CLEC4A: variants seen among roughly 807,000 people sequenced by gnomAD.
The protein encoded by CLEC4A is C-type (calcium dependent, carbohydrate-recognition domain) lectin, superfamily member 6.
A neutral mutation model predicts 32.7 loss-of-function variants in CLEC4A; 27 were observed. The ratio of observed to expected loss-of-function variants is 0.83; its 90% CI spans 0.61 to 1.14. CLEC4A has a LOEUF of 1.14. Ranked by LOEUF, CLEC4A falls within the 50% of genes most tolerant of loss-of-function variation. The pLI is 0.00. For missense variants in CLEC4A, 253 were observed against 274.6 expected (o/e 0.92, Z 0.55); for synonymous variants, 89 against 93.7 (o/e 0.95, Z 0.29).
the CLEC4A span, among the ~76,000 whole-genome samples, chr12:8,105,970 T>C: frequency 6.6e-6 from 1 of 152,210 alleles, no homozygotes; most frequent in Non-Finnish European, 1.5e-5. Flanking sequence ...CCCATTCCTA[T>C]GTCCAGAATG....
chr12:8,130,884 C>T (rs1396831755), intron 3 of CLEC4A, among the ~76,000 whole-genome samples: 2 of 151,994 alleles, frequency 1.3e-5, no homozygotes, highest in African/African-American at 4.8e-5. Flanking sequence ...CCTTAGTGTT[C>T]ACCTCATTTT....
intron 2 of CLEC4A, among the ~76,000 whole-genome samples, chr12:8,127,858 G>T (rs754023646): frequency 6.6e-6 from 1 of 152,190 alleles, no homozygotes; most frequent in African/African-American, 2.4e-5. Context: ...TTTCAAAGAG[G>T]TAGACAATAT....
Position 8,133,418 on chromosome 12 carries a change from T to C in CLEC4A, c.299-2167T>C, listed in dbSNP as rs376742426. 5.9e-5 allele frequency among the ~76,000 whole-genome samples: 9 copies of C among 152,324 alleles called. No individual in the cohort carries two copies. The East Asian group carries it at 1.5e-3, about 26-fold the overall frequency. On this transcript the variant is annotated intron_variant, in intron 3 of 5. Transcript: ENST00000229332. Reference sequence around the variant, plus strand: ...GTTGTTTTGTCTTCCAATTCACTAATCTCTCTATCCCCTTCATTCTGCTGA... The same window carrying C: ...GTTGTTTTGTCTTCCAATTCACTAACCTCTCTATCCCCTTCATTCTGCTGA...
At chr12:8,128,535 C>A (rs533507888) in intron 2 of CLEC4A, among the ~76,000 whole-genome samples, 1 of 152,032 alleles carries the variant, frequency 6.6e-6, no homozygotes, top group Admixed American at 6.6e-5. Context: ...CTCAGCTTCC[C>A]GAGTAGCTGG....
chr12:8,110,959 C>T, the CLEC4A span, among the ~76,000 whole-genome samples: 8 of 151,918 alleles, frequency 5.3e-5, no homozygotes, highest in African/African-American at 1.2e-4. Context: ...CTACAAGCTC[C>T]GTCTCCCAGG....
the CLEC4A span, among the ~76,000 whole-genome samples, chr12:8,118,289 G>A: frequency 1.3e-5 from 2 of 151,982 alleles, no homozygotes; most frequent in South Asian, 2.1e-4. Flanking sequence ...GTCAGGTTGA[G>A]ATTCAACATA....
chr12:8,135,560 G>A (rs369237498), intron 3 of CLEC4A, 25 bp from the exon 4 acceptor site: 68 of 1,611,674 alleles, frequency 4.2e-5, no homozygotes, highest in African/African-American at 9.4e-5. Flanking sequence ...TATATTGCAC[G>A]TATGTGCCCC....
the CLEC4A span, among the ~76,000 whole-genome samples, chr12:8,109,577 A>G: frequency 6.6e-6 from 1 of 152,174 alleles, no homozygotes; most frequent in Admixed American, 6.5e-5. Flanking sequence ...TTAGCTGGCC[A>G]TGGTGGCTCA....
the CLEC4A span, among the ~76,000 whole-genome samples, chr12:8,107,597 T>A: frequency 6.6e-6 from 1 of 152,156 alleles, no homozygotes; most frequent in Non-Finnish European, 1.5e-5. Flanking sequence ...TCTTCCTGGG[T>A]CAATCTTGGG....
At chr12:8,124,825 TA>T (rs1947874523) in intron 1 of CLEC4A, among the ~76,000 whole-genome samples, 2 of 152,360 alleles carry the variant, frequency 1.3e-5, no homozygotes, top group South Asian at 4.1e-4. Context: ...ATTTGAATTA[TA>T]ATTACTCTTA....
At chr12:8,132,780 A>G (rs1257456512) in intron 3 of CLEC4A, among the ~76,000 whole-genome samples, 2 of 152,098 alleles carry the variant, frequency 1.3e-5, no homozygotes, top group Non-Finnish European at 2.9e-5. Context: ...TTTCAATTGT[A>G]TCAGTTTTGC....
chr12:8,127,495 GGCCATT>G (rs1452885836), intron 2 of CLEC4A, among the ~76,000 whole-genome samples: 1 of 151,200 alleles, frequency 6.6e-6, no homozygotes, highest in Non-Finnish European at 1.5e-5. Flanking sequence ...TGAAAGTTGT[GGCCATT>G]TTTGCAATGT....
At chr12:8,119,912 A>G (rs530921883), upstream of CLEC4A, among the ~76,000 whole-genome samples, 1 of 152,244 alleles carries the variant, frequency 6.6e-6, no homozygotes, top group South Asian at 2.1e-4. Context: ...TTCAGGTTTT[A>G]TGATTTATTA....
the CLEC4A span, among the ~76,000 whole-genome samples, chr12:8,107,242 A>G: frequency 6.6e-6 from 1 of 152,118 alleles, no homozygotes; most frequent in Non-Finnish European, 1.5e-5. Context: ...ATAATGGTGG[A>G]TTAACTTTTT....
rs774395681 is a variant in CLEC4A, at chr12:8,138,123, C to A, written c.567-17C>A. On this transcript the variant is annotated splice_polypyrimidine_tract_variant and intron_variant, in intron 5 of 5. Coordinates refer to ENST00000229332, the MANE Select transcript of CLEC4A (RefSeq NM_016184.4). Reference sequence around the variant, plus strand: ...CTCTGTTTGAAGAAATGCCCTCATCCTTTTTGTCGCTTTCAGATTCTGGCA... The same window carrying A: ...CTCTGTTTGAAGAAATGCCCTCATCATTTTTGTCGCTTTCAGATTCTGGCA... 1.9e-6 allele frequency: 3 copies of A among 1,611,734 alleles called. No individual in the cohort carries two copies. Among genetic ancestry groups the A allele is most frequent in the East Asian group, 2.2e-5 (1 of 44,788 alleles).
upstream of CLEC4A, among the ~76,000 whole-genome samples, chr12:8,122,208 T>G (rs1441585693): frequency 6.6e-6 from 1 of 151,112 alleles, no homozygotes; most frequent in African/African-American, 2.4e-5. Flanking sequence ...TTTCAGAAAC[T>G]TAGCAGGATA....
intron 3 of CLEC4A, among the ~76,000 whole-genome samples, chr12:8,132,696 C>A (rs1948019871): frequency 6.6e-6 from 1 of 152,174 alleles, no homozygotes; most frequent in Non-Finnish European, 1.5e-5. Flanking sequence ...TGCTGATTTT[C>A]TGTGTAGTTC....
chr12:8,116,613 G>A, the CLEC4A span, among the ~76,000 whole-genome samples: 1 of 152,120 alleles, frequency 6.6e-6, no homozygotes, highest in Non-Finnish European at 1.5e-5. Context: ...TTTGCTAGTG[G>A]TACTAATCTT....
At chr12:8,110,122 T>C in the CLEC4A span, among the ~76,000 whole-genome samples, 1 of 152,136 alleles carries the variant, frequency 6.6e-6, no homozygotes, top group East Asian at 1.9e-4. Flanking sequence ...TGTCTTCTTA[T>C]CCTGTATTTT....
Sources: allele counts gnomAD v4.1 joint callset (sites outside exome capture counted in the v4.1 genomes callset), GRCh38; gene constraint gnomAD v4.1.1; transcripts MANE v1.5; gene names NCBI Gene and HGNC (gene_info 2026-07-23, HGNC 2026-07-21).